EXOSC3: variants seen among roughly 807,000 people sequenced by gnomAD.
EXOSC3 encodes the protein exosome component 3.
Under a neutral mutation model 25.1 loss-of-function variants are expected in EXOSC3, and 18 were observed. That is an observed-to-expected ratio of 0.72 (90% CI 0.50 to 1.06). The LOEUF (loss-of-function observed/expected upper bound fraction) is 1.06. Ranked by LOEUF, EXOSC3 falls within the 50% of genes least tolerant of loss-of-function variation. The pLI is 0.00. For missense variants in EXOSC3, 382 were observed against 350.9 expected, an observed-to-expected ratio of 1.09 and a Z score of -0.71; for synonymous variants, 165 against 132.2, an observed-to-expected ratio of 1.25 and a Z score of -1.70.
intron 1 of EXOSC3, chr9:37,784,473 GT>G (rs1366841305): frequency 7.1e-6 from 4 of 566,100 alleles, no homozygotes; most frequent in Non-Finnish European, 9.3e-6. Context: ...CTGCTGTGGG[GT>G]TTTGAAGACT....
intron 2 of EXOSC3, among the ~76,000 whole-genome samples, chr9:37,782,776 G>A (rs1394289519): frequency 6.6e-6 from 1 of 152,190 alleles, no homozygotes. Flanking sequence ...AGTACCTACT[G>A]TTTGTTGGTG....
At chr9:37,781,468 G>T (rs1156321732) in intron 3 of EXOSC3, among the ~76,000 whole-genome samples, 1 of 151,062 alleles carries the variant, frequency 6.6e-6, no homozygotes. Context: ...GGTGGGTAAA[G>T]TTCTAAACAC....
At position 37,784,429 on chromosome 9, in the gene EXOSC3, C is replaced by A. The variant is rs370779292; in HGVS notation, c.324+292G>T. On this transcript the variant is annotated intron_variant, in intron 1 of 3. Coordinates refer to ENST00000327304, the MANE Select transcript of EXOSC3 (RefSeq NM_016042.4). ...TCCCTATGACATCCACTCATTGAGC[C>A]TAGTCCTGCCCTCTGAGACTCCAAA... 25 of 523,348 alleles carry A rather than the reference C, an allele frequency of 4.8e-5. No homozygotes were observed. In the South Asian group the frequency reaches 6.8e-4, roughly 14 times the overall value. 32.4% of individuals were successfully genotyped at this position (523,348 alleles called of 1,614,324 possible). A position where few individuals can be genotyped will look rare whatever the true frequency, so the allele number is the denominator to read the frequency against.
intron 1 of EXOSC3, 42 bp from the exon 2 acceptor site, chr9:37,784,105 A>G (rs773074912): frequency 2.5e-6 from 4 of 1,588,608 alleles, no homozygotes; most frequent in Non-Finnish European, 3.4e-6. Context: ...ATAAATGACA[A>G]GATACCATTG....
chr9:37,781,771 C>T, intron 3 of EXOSC3: 1 of 551,640 alleles, frequency 1.8e-6, no homozygotes, highest in South Asian at 2.4e-5. Flanking sequence ...TATCAGCCCA[C>T]CAGAAACTAC....
In EXOSC3 at chr9:37,784,837, C is replaced by T; in HGVS notation, c.208G>A (p.Gly70Ser). 1.2e-6 allele frequency: 2 copies of T among 1,608,514 alleles called. No homozygotes were observed. Among genetic ancestry groups the T allele is most frequent in the Non-Finnish European group, 1.7e-6 (2 of 1,177,874 alleles). The change falls in exon 1 of 4, where the codon GGC becomes AGC. Residue 70 changes from glycine to serine, a missense_variant. Physicochemically the swap from Gly to Ser is moderately conservative, Grantham distance 56. Transcript: ENST00000327304. ...CSRVRVVCGP[G>S]LRRCGDRLLV... ...AGGCGGTCCCCACAGCGCCGAAGGC[C>T]CGGACCGCATACAACGCGCACCCGC... is the stretch of plus-strand genomic sequence containing the variant.
In EXOSC3 at chr9:37,782,984, A is replaced by C. The variant is rs138287071; in HGVS notation, c.475-847T>G. ...TGTTTAGCCTACGTCTCAAAGAATG[A>C]GAATGTGTTCCATAGGGTGCGAAGG... is the stretch of plus-strand genomic sequence containing the variant. On this transcript the variant is annotated intron_variant, in intron 2 of 3. Transcript: ENST00000327304. Among the ~76,000 whole-genome samples, 224 of 152,318 alleles carry C rather than the reference A, an allele frequency of 1.5e-3. 1 individual carries two copies. The highest frequency in any genetic ancestry group is 5.0e-3 in the African/African-American group (207 of 41,564).
intron 2 of EXOSC3, 79 bp downstream of exon 2, chr9:37,783,835 T>C: frequency 5.4e-6 from 8 of 1,483,722 alleles, no homozygotes; most frequent in South Asian, 2.7e-5. Flanking sequence ...TTGGAGACAA[T>C]TCAGATAGCC....
chr9:37,781,503 GAACCTCAGTA>G (rs1828595523), intron 3 of EXOSC3, among the ~76,000 whole-genome samples: 1 of 151,712 alleles, frequency 6.6e-6, no homozygotes, highest in Admixed American at 6.6e-5. Flanking sequence ...GCCTCAGCAT[GAACCTCAGTA>G]TGCCTCAGTA....
intron 2 of EXOSC3, 129 bp downstream of exon 2, chr9:37,783,785 T>C: frequency 1.1e-6 from 1 of 883,268 alleles, no homozygotes; most frequent in South Asian, 2.9e-5. Context: ...TCTTGGAGCC[T>C]GGGGCAATTA....
At chr9:37,784,372 T>C (rs1156598720) in intron 1 of EXOSC3, 3 of 468,830 alleles carry the variant, frequency 6.4e-6, no homozygotes, top group Admixed American at 3.9e-5. Flanking sequence ...TTTTTCTATA[T>C]GAAATTCTTA....
In EXOSC3 at chr9:37,784,811, C is replaced by A. The variant is rs368960548; in HGVS notation, c.234G>T (p.Leu78=). 8 of 1,608,134 alleles carry A rather than the reference C, an allele frequency of 5.0e-6. No individual in the cohort carries two copies. In the East Asian group the frequency reaches 1.8e-4, roughly 36 times the overall value. Residue 78 remains leucine (L), a synonymous_variant, in exon 1 of 4, where the codon CTG becomes CTT. Coordinates refer to ENST00000327304, the MANE Select transcript of EXOSC3 (RefSeq NM_016042.4). ...GPGLRRCGDR[L]LVTKCGRLRH... is the part of the protein sequence containing the mutation. ...GGAGGCGGCCGCACTTGGTGACCAGCAGGCGGTCCCCACAGCGCCGAAGGC... is the reference window on the plus strand; with the variant it reads ...GGAGGCGGCCGCACTTGGTGACCAGAAGGCGGTCCCCACAGCGCCGAAGGC...
intron 1 of EXOSC3, 75 bp downstream of exon 1, chr9:37,784,646 C>G: frequency 6.9e-7 from 1 of 1,449,950 alleles, no homozygotes; most frequent in South Asian, 1.4e-5. Context: ...GGGTCCCTCT[C>G]TTCTTTTGGG....
rs115613862 is a variant in EXOSC3, at chr9:37,782,470, G to C, written c.475-333C>G. Among the ~76,000 whole-genome samples, 898 of 152,266 alleles carry C rather than the reference G, an allele frequency of 5.9e-3. 8 individuals carry two copies. The highest frequency in any genetic ancestry group is 0.02 in the African/African-American group (827 of 41,552). ...GTATTTAAAATTAATTTCCTGAGTT[G>C]CATTAGCCACATTTCAAGTGCTCAA... On this transcript the variant is annotated intron_variant, in intron 2 of 3. Coordinates refer to ENST00000327304, the MANE Select transcript of EXOSC3 (RefSeq NM_016042.4).
In EXOSC3 at chr9:37,784,883, G is replaced by C. The variant is rs1404830651; in HGVS notation, c.162C>G (p.Ser54Arg). The change falls in exon 1 of 4, where the codon AGC (serine) becomes AGG (arginine). Residue 54 changes from serine (S) to arginine (R), a missense_variant. Transcript: ENST00000327304. ...CCCGCGAGCACGCTCTAGCATTCAG[G>C]CTCAACGGTCGCTCCACTGCACCCC... is the stretch of plus-strand genomic sequence containing the variant. ...GPGGAVERPLSLNARACSRVR... is the reference protein window; with the variant it reads ...GPGGAVERPLRLNARACSRVR... 2.5e-6 allele frequency: 4 copies of C among 1,606,658 alleles called. No individual in the cohort carries two copies. In the South Asian group the frequency reaches 4.4e-5, roughly 18 times the overall value.
At chr9:37,781,715 C>T in intron 3 of EXOSC3, 1 of 351,636 alleles carries the variant, frequency 2.8e-6, no homozygotes, top group Non-Finnish European at 5.1e-6. Flanking sequence ...AGCAACAGGC[C>T]TGGGAAGGAA....
chr9:37,781,838 A>G, intron 3 of EXOSC3, 148 bp downstream of exon 3: 2 of 819,724 alleles, frequency 2.4e-6, no homozygotes, highest in Non-Finnish European at 3.8e-6. Flanking sequence ...TAAATTCATG[A>G]GTTTCCAAAT....
In EXOSC3 at chr9:37,782,104, C is replaced by G. The variant is rs1370173911; in HGVS notation, c.508G>C (p.Ala170Pro). 1.2e-6 allele frequency: 2 copies of G among 1,613,950 alleles called. No individual in the cohort carries two copies. The highest frequency in any genetic ancestry group is 1.7e-6 in the Non-Finnish European group (2 of 1,179,948). Residue 170 changes from alanine to proline, a missense_variant, in exon 3 of 4, where the codon GCT becomes CCT. By Grantham distance (27) the Ala-to-Pro change is conservative (BLOSUM62 -1). Transcript: ENST00000327304. ...ATCTCTGGTTCCATGTCTTTATTAG[C>G]AACCACAAACTGGCCATAGATGAGA... Reference protein sequence around the residue: ...GDLIYGQFVVANKDMEPEMVC... With the variant: ...GDLIYGQFVVPNKDMEPEMVC...
chr9:37,781,834 C>T (rs1828603434), intron 3 of EXOSC3, 152 bp downstream of exon 3: 1 of 798,390 alleles, frequency 1.3e-6, no homozygotes, highest in African/African-American at 1.7e-5. Flanking sequence ...GGATTAAATT[C>T]ATGAGTTTCC....
Sources: allele counts gnomAD v4.1 joint callset (sites outside exome capture counted in the v4.1 genomes callset), GRCh38; gene constraint gnomAD v4.1.1; transcripts MANE v1.5; gene names NCBI Gene and HGNC (gene_info 2026-07-23, HGNC 2026-07-21).